The following SYS1 variants were observed in gnomAD, a reference collection of about 807,000 sequenced individuals.
The protein encoded by SYS1 is protein SYS1 homolog.
Under a neutral mutation model 17.8 loss-of-function variants are expected in SYS1, and 8 were observed. The ratio of observed to expected loss-of-function variants is 0.45; its 90% CI spans 0.26 to 0.81. The LOEUF is 0.81. Among genes scored for constraint, SYS1 ranks in the 40% least tolerant of loss-of-function variants. SYS1 has a pLI of 0.16. For synonymous variants in SYS1, 95 were observed against 90.9 expected, an observed-to-expected ratio of 1.05 and a Z score of -0.26; for missense variants, 161 against 203.9, an observed-to-expected ratio of 0.79 and a Z score of 1.28.
chr20:45,375,047 G>T, exon 4 of SYS1: 2 of 1,612,948 alleles, frequency 1.2e-6, no homozygotes, highest in Non-Finnish European at 1.7e-6. Flanking sequence ...ACCTTGTATG[G>T]ATGCCACATA....
chr20:45,363,346 G>A, intron 1 of SYS1, 31 bp downstream of exon 1: 1 of 1,426,118 alleles, frequency 7.0e-7, no homozygotes, highest in South Asian at 1.5e-5. Flanking sequence ...CTCGTGTACG[G>A]GCGGGGGCCG....
chr20:45,374,798 T>C (rs1988671077), exon 4 of SYS1: 2 of 556,274 alleles, frequency 3.6e-6, no homozygotes, highest in East Asian at 3.0e-5. Flanking sequence ...CTCACTTCAG[T>C]GCCCCTCCTT....
Position 45,363,223 on chromosome 20 carries a change from C to G in SYS1, c.-96C>G. On this transcript the variant is annotated 5_prime_UTR_variant, in exon 1 of 4. Transcript: ENST00000243918. Reference sequence around the variant, plus strand: ...TTGCCTCTCTAGGCCGGCAGCGCCTCTCCTCCATGGTCCTGTCTGTCAGCG... The same window carrying G: ...TTGCCTCTCTAGGCCGGCAGCGCCTGTCCTCCATGGTCCTGTCTGTCAGCG... 5 of 1,122,786 alleles carry G rather than the reference C, an allele frequency of 4.5e-6. No individual in the cohort carries two copies. Among genetic ancestry groups the G allele is most frequent in the Non-Finnish European group, 5.5e-6 (5 of 914,222 alleles). The allele number at this position is 1,122,786 out of a possible 1,614,324, so 69.6% of individuals were successfully genotyped here. A position where few individuals can be genotyped will look rare whatever the true frequency, so the allele number is the denominator to read the frequency against.
At chr20:45,374,751 TTTCCACCTCTGCTAAG>T (rs1988669714) in exon 4 of SYS1, 2 of 475,344 alleles carry the variant, frequency 4.2e-6, no homozygotes, top group Non-Finnish European at 7.4e-6. Context: ...GCCACAGCAG[TTTCCACCTCTGCTAAG>T]GCCTTCAGGC....
At chr20:45,371,165 CTTGTT>C (rs1030117467), downstream of SYS1, among the ~76,000 whole-genome samples, 1 of 151,918 alleles carries the variant, frequency 6.6e-6, no homozygotes, top group African/African-American at 2.4e-5. Context: ...TTTGTTTTGT[CTTGTT>C]TTGTTTTGTT....
downstream of SYS1, among the ~76,000 whole-genome samples, chr20:45,371,165 C>CTTGTT (rs1030117467): frequency 1.3e-5 from 2 of 151,918 alleles, no homozygotes; most frequent in Non-Finnish European, 2.9e-5. Flanking sequence ...TTTGTTTTGT[C>CTTGTT]TTGTTTTGTT....
At chr20:45,365,401 A>G (rs1230672007) in intron 2 of SYS1, 2 of 662,104 alleles carry the variant, frequency 3.0e-6, no homozygotes, top group East Asian at 5.6e-5. Flanking sequence ...CCTTTGTAAA[A>G]TGAGAATAAT....
At position 45,368,327 on chromosome 20, in the gene SYS1, C is replaced by T; in HGVS notation, c.*1212C>T. 1 of 985,456 alleles carries T rather than the reference C, an allele frequency of 1.0e-6. No homozygotes were observed. The highest frequency in any genetic ancestry group is 1.2e-6 in the Non-Finnish European group (1 of 829,954). The allele number at this position is 985,456 out of a possible 1,614,324, so 61.0% of individuals were successfully genotyped here. ...CCCCTGCTATGCCTCAGGTGAACCA[C>T]ATAATTCTTGGGTTTCCGTTCCTAC... On this transcript the variant is annotated 3_prime_UTR_variant, in exon 4 of 4. Transcript: ENST00000243918.
downstream of SYS1, among the ~76,000 whole-genome samples, chr20:45,371,241 T>C (rs117674941): frequency 1.2e-4 from 18 of 152,326 alleles, no homozygotes; most frequent in East Asian, 3.5e-3. Flanking sequence ...CTGGTTTTAT[T>C]GTGAAGATGC....
upstream of SYS1, chr20:45,362,108 T>G (rs1288487453): frequency 1.2e-6 from 1 of 805,720 alleles, no homozygotes; most frequent in South Asian, 5.7e-5. Flanking sequence ...CTATTCGGAT[T>G]TGGAAGATAG....
chr20:45,374,334 G>C, exon 4 of SYS1: 1 of 682,758 alleles, frequency 1.5e-6, no homozygotes. Flanking sequence ...GTGCAGTGGC[G>C]AAGTCACAGC....
In SYS1 at chr20:45,368,667, G is replaced by A. The variant is rs1184073474; in HGVS notation, c.*1552G>A. 7 of 985,304 alleles carry A rather than the reference G, an allele frequency of 7.1e-6. No individual in the cohort carries two copies. In the African/African-American group the frequency reaches 1.0e-4, roughly 15 times the overall value. The allele number at this position is 985,304 out of a possible 1,614,324, so 61.0% of individuals were successfully genotyped here. ...AGGGTGAGGCACCTCAGTAACTCAT[G>A]GTACCTTGGCCAAGTTGGAAGGAAG... On this transcript the variant is annotated 3_prime_UTR_variant, in exon 4 of 4. Coordinates refer to ENST00000243918, the MANE Select transcript of SYS1 (RefSeq NM_033542.4).
downstream of SYS1, among the ~76,000 whole-genome samples, chr20:45,369,596 C>CTTTTTTTT (rs573922300): frequency 9.7e-5 from 10 of 102,892 alleles, no homozygotes; most frequent in African/African-American, 3.3e-4. Context: ...CAGAGATTTC[C>CTTTTTTTT]TTTTTTTTTT....
Position 45,367,446 on chromosome 20 carries a change from G to C in SYS1, c.*331G>C. 2 of 1,137,310 alleles carry C rather than the reference G, an allele frequency of 1.8e-6. No homozygotes were observed. The highest frequency in any genetic ancestry group is 1.1e-6 in the Non-Finnish European group (1 of 920,944). 70.5% of individuals were successfully genotyped at this position (1,137,310 alleles called of 1,614,324 possible). ...TGTTTTAAGAGAGAAAAAAAATCAA[G>C]GATATCTGATTGGAGCAAACCACTT... is the stretch of plus-strand genomic sequence containing the variant. On this transcript the variant is annotated 3_prime_UTR_variant, in exon 4 of 4. Transcript: ENST00000243918.
At position 45,365,589 on chromosome 20, in the gene SYS1, A is replaced by T. The variant is rs750756089; in HGVS notation, c.163-30A>T. 7 of 1,610,934 alleles carry T rather than the reference A, an allele frequency of 4.3e-6. No homozygotes were observed. The South Asian group carries it at 7.7e-5, about 18-fold the overall frequency. Reference sequence around the variant, plus strand: ...TGGGGCTCTGCCAAGTCACTTCTCCAGTATATTTCCATTTGTGATTCCCCC... The same window carrying T: ...TGGGGCTCTGCCAAGTCACTTCTCCTGTATATTTCCATTTGTGATTCCCCC... On this transcript the variant is annotated intron_variant, in intron 2 of 3. Coordinates refer to ENST00000243918, the MANE Select transcript of SYS1 (RefSeq NM_033542.4).
chr20:45,365,625 G>A lies in SYS1; in HGVS notation c.169G>A (p.Gly57Ser). The A allele has an allele frequency of 6.2e-7, 1 of 1,614,102 alleles. No individual in the cohort carries two copies. Among genetic ancestry groups the A allele is most frequent in the Non-Finnish European group, 8.5e-7 (1 of 1,180,012 alleles). Residue 57 changes from glycine (G) to serine (S), a missense_variant, in exon 3 of 4, where the codon GGC becomes AGC. Transcript: ENST00000243918. ...LDQMFDAEIL[G>S]FSTPPGRLSM... is the part of the protein sequence containing the mutation. Reference sequence around the variant, plus strand: ...ATTTGTGATTCCCCCTCAGATCCTGGGCTTTTCCACCCCTCCAGGCCGGCT... The same window carrying A: ...ATTTGTGATTCCCCCTCAGATCCTGAGCTTTTCCACCCCTCCAGGCCGGCT...
At chr20:45,372,743 G>A (rs1270539226), downstream of SYS1, 1 of 152,244 alleles carries the variant, frequency 6.6e-6, no homozygotes, top group Non-Finnish European at 1.5e-5. Context: ...GGGGGCGGAG[G>A]TAGGCACCGA....
rs780110906 is a variant in SYS1, at chr20:45,374,551, C to T, written c.*257C>T. ...CCTCCCAAGGTGCTGGGATTACAGG[C>T]GTGAGCCACCATGCCTAGCCTGTTC... On this transcript the variant is annotated 3_prime_UTR_variant, in exon 4 of 4. Transcript: ENST00000426004. The T allele has an allele frequency of 9.8e-6, 5 of 509,786 alleles. No individual in the cohort carries two copies. The East Asian group carries it at 1.2e-4, about 13-fold the overall frequency. 31.6% of individuals were successfully genotyped at this position (509,786 alleles called of 1,614,324 possible). A position where few individuals can be genotyped will look rare whatever the true frequency, so the allele number is the denominator to read the frequency against.
In SYS1 at chr20:45,363,581, C is replaced by T. The variant is rs771771886; in HGVS notation, c.50C>T (p.Ser17Leu). The T allele has an allele frequency of 6.2e-7, 1 of 1,600,456 alleles. No homozygotes were observed. Among genetic ancestry groups the T allele is most frequent in the South Asian group, 1.1e-5 (1 of 88,928 alleles). ...SYVWDPLLIL[S>L]QIVLMQTVYY... ...GTGTGGGACCCGCTGCTGATCCTGT[C>T]GCAGATCGTCCTCATGCAGACCGTG... The change falls in exon 2 of 4, where the codon TCG becomes TTG. Residue 17 changes from serine (S) to leucine (L), a missense_variant. Transcript: ENST00000243918.
Sources: gnomAD v4.1 joint callset for allele counts (sites outside exome capture counted in the v4.1 genomes callset) on GRCh38, gnomAD v4.1.1 for gene constraint, MANE v1.5 for transcripts, NCBI Gene and HGNC (gene_info 2026-07-23, HGNC 2026-07-21) for gene names.